Variants in PARM1 observed in about 807,000 individuals in gnomAD.
PARM1 encodes the protein prostate androgen-regulated mucin-like protein 1.
In PARM1, 14 loss-of-function variants were observed where a neutral mutation model predicts 24.6. The ratio of observed to expected loss-of-function variants is 0.57; its 90% CI spans 0.38 to 0.89. PARM1 has a LOEUF of 0.89. PARM1 is among the 40% of genes least tolerant of loss of function. The pLI is 0.00. For missense variants in PARM1, 362 were observed against 380.4 expected (o/e 0.95, Z 0.40); for synonymous variants, 179 against 156.6 (o/e 1.14, Z -1.07).
chr4:75,047,105 G>C lies in PARM1; in HGVS notation c.*858G>C, dbSNP rs1050217906. ...AAGTGGAAGAGAAGCTGGCGGGGGA[G>C]AAGGAGGCTAACCTGCACTGAGTAC... is the stretch of plus-strand genomic sequence containing the variant. On this transcript the variant is annotated 3_prime_UTR_variant, in exon 4 of 4. Transcript: ENST00000307428. 2.6e-5 allele frequency: 4 copies of C among 152,864 alleles called. No individual in the cohort carries two copies. Among genetic ancestry groups the C allele is most frequent in the African/African-American group, 9.6e-5 (4 of 41,462 alleles). 9.5% of individuals were successfully genotyped at this position (152,864 alleles called of 1,614,324 possible). A position where few individuals can be genotyped will look rare whatever the true frequency, so the allele number is the denominator to read the frequency against.
Position 75,010,629 on chromosome 4 carries a change from A to G in PARM1, c.44-1796A>G, listed in dbSNP as rs949826487. 7.9e-5 allele frequency among the ~76,000 whole-genome samples: 12 copies of G among 152,226 alleles called. 1 individual carries two copies. Among genetic ancestry groups the G allele is most frequent in the African/African-American group, 2.9e-4 (12 of 41,460 alleles). On this transcript the variant is annotated intron_variant, in intron 1 of 3. Coordinates refer to ENST00000307428, the MANE Select transcript of PARM1 (RefSeq NM_015393.4). Reference sequence around the variant, plus strand: ...ACTCCTTTGAGGAAGAGGTGACACAATCAAAGTGATGACGAGAACATGAGA... The same window carrying G: ...ACTCCTTTGAGGAAGAGGTGACACAGTCAAAGTGATGACGAGAACATGAGA...
chr4:74,938,707 T>C (rs1474154599), intron 1 of PARM1, among the ~76,000 whole-genome samples: 4 of 152,204 alleles, frequency 2.6e-5, no homozygotes, highest in Non-Finnish European at 5.9e-5. Context: ...ATAGGGTTGA[T>C]GTAACATTGT....
intron 2 of PARM1, among the ~76,000 whole-genome samples, chr4:75,024,944 C>T (rs567539045): frequency 7.6e-4 from 116 of 152,230 alleles, no homozygotes; most frequent in Admixed American, 8.5e-4. Context: ...ATCCACCCGC[C>T]TTGGTCTCCC....
intron 3 of PARM1, among the ~76,000 whole-genome samples, chr4:75,037,543 C>A (rs564201460): frequency 6.6e-6 from 1 of 152,280 alleles, no homozygotes; most frequent in East Asian, 1.9e-4. Context: ...CCCATTACCC[C>A]TAGTTTTGTC....
intron 2 of PARM1, among the ~76,000 whole-genome samples, chr4:75,027,973 CT>C (rs1314101961): frequency 2.0e-5 from 3 of 152,208 alleles, no homozygotes; most frequent in African/African-American, 7.2e-5. Flanking sequence ...ACTCTCGAAC[CT>C]GTGCTTGTAT....
intron 1 of PARM1, among the ~76,000 whole-genome samples, chr4:74,990,389 T>A (rs987810721): frequency 2.0e-5 from 3 of 152,166 alleles, no homozygotes; most frequent in Non-Finnish European, 4.4e-5. Context: ...TATCAATGTT[T>A]CCAGCTGGAA....
At chr4:75,005,414 C>T (rs893901297) in intron 1 of PARM1, among the ~76,000 whole-genome samples, 42 of 152,186 alleles carry the variant, frequency 2.8e-4, no homozygotes, top group Non-Finnish European at 2.1e-4. Flanking sequence ...GCAACTCTGC[C>T]ACTGGCCCAG....
chr4:74,942,338 A>G (rs941045974), intron 1 of PARM1, among the ~76,000 whole-genome samples: 1 of 152,238 alleles, frequency 6.6e-6, no homozygotes, highest in Non-Finnish European at 1.5e-5. Flanking sequence ...AAGGCTCTGG[A>G]TATACATTAA....
chr4:74,980,556 C>G (rs1420758012), intron 1 of PARM1, among the ~76,000 whole-genome samples: 1 of 152,142 alleles, frequency 6.6e-6, no homozygotes, highest in Admixed American at 6.5e-5. Flanking sequence ...TTTATAGATT[C>G]AATGCTATTC....
chr4:75,043,678 C>T (rs183481957), intron 3 of PARM1, among the ~76,000 whole-genome samples: 18 of 152,204 alleles, frequency 1.2e-4, no homozygotes, highest in South Asian at 2.1e-4. Context: ...CTTTAGTTAC[C>T]GGATTTTAAC....
chr4:74,979,281 A>C (rs1040424997), intron 1 of PARM1, among the ~76,000 whole-genome samples: 1 of 152,156 alleles, frequency 6.6e-6, no homozygotes, highest in African/African-American at 2.4e-5. Context: ...GATAAAGGGG[A>C]TATCGCCACT....
chr4:74,979,417 G>T (rs180848124), intron 1 of PARM1, among the ~76,000 whole-genome samples: 1 of 152,248 alleles, frequency 6.6e-6, no homozygotes, highest in East Asian at 1.9e-4. Context: ...CCAGAAAGAA[G>T]TTGAATCCCT....
At chr4:74,937,337 T>C (rs1031479317) in intron 1 of PARM1, among the ~76,000 whole-genome samples, 3 of 152,168 alleles carry the variant, frequency 2.0e-5, no homozygotes, top group African/African-American at 7.2e-5. Flanking sequence ...AAATCTGTGG[T>C]CACAGTCAAA....
intron 3 of PARM1, among the ~76,000 whole-genome samples, chr4:75,037,278 A>G (rs1405200189): frequency 6.6e-6 from 1 of 152,162 alleles, no homozygotes; most frequent in East Asian, 1.9e-4. Context: ...GAGTGACTAA[A>G]ATCACAACCC....
chr4:75,030,885 GA>G (rs1723262994), intron 2 of PARM1, among the ~76,000 whole-genome samples: 1 of 152,056 alleles, frequency 6.6e-6, no homozygotes, highest in Non-Finnish European at 1.5e-5. Flanking sequence ...TCCTCATATT[GA>G]AAAATGTAAG....
intron 1 of PARM1, among the ~76,000 whole-genome samples, chr4:74,960,982 G>A (rs1578029057): frequency 1.3e-5 from 2 of 151,292 alleles, no homozygotes; most frequent in Middle Eastern, 6.8e-3. Flanking sequence ...TCCAGCCTGG[G>A]TGACTGAGCA....
chr4:75,034,048 AATAGGTATCTTAGCCCTTAGAAATAT>A, intron 3 of PARM1, 87 bp downstream of exon 3: 7 of 1,049,006 alleles, frequency 6.7e-6, no homozygotes, highest in Non-Finnish European at 8.6e-6. Context: ...CTTGTTCCTT[AATAGGTATCTTAGCCCTTAGAAATAT>A]TGGCAGAGAA....
chr4:74,955,111 A>G (rs1721605765), intron 1 of PARM1, among the ~76,000 whole-genome samples: 1 of 152,230 alleles, frequency 6.6e-6, no homozygotes, highest in Admixed American at 6.5e-5. Context: ...TTGAAAATGT[A>G]TAAGATATGC....
In PARM1 at chr4:75,012,779, G is replaced by A; in HGVS notation, c.398G>A (p.Gly133Asp). 1 of 1,613,972 alleles carries A rather than the reference G, an allele frequency of 6.2e-7. No homozygotes were observed. The highest frequency in any genetic ancestry group is 1.6e-4 in the Middle Eastern group (1 of 6,062). ...CACAGCTCGGGCACTCCTGAAGCAG[G>A]CGTGGCAGCTACACTGTCGCAGTCC... is the stretch of plus-strand genomic sequence containing the variant. ...EEHSSGTPEAGVAATLSQSAA... is the reference protein window; with the variant it reads ...EEHSSGTPEADVAATLSQSAA... The change falls in exon 2 of 4, where the codon GGC becomes GAC. Residue 133 changes from glycine (G) to aspartate (D), a missense_variant. Transcript: ENST00000307428.
Sources: allele counts gnomAD v4.1 joint callset (sites outside exome capture counted in the v4.1 genomes callset), GRCh38; gene constraint gnomAD v4.1.1; transcripts MANE v1.5; gene names NCBI Gene and HGNC (gene_info 2026-07-23, HGNC 2026-07-21).